HDAC9: variants seen among roughly 807,000 people sequenced by gnomAD.
The protein encoded by HDAC9 is MEF-2 interacting transcription repressor (MITR) protein.
Under a neutral mutation model 139.4 loss-of-function variants are expected in HDAC9, and 41 were observed. The ratio of observed to expected loss-of-function variants is 0.29; its 90% confidence interval spans 0.23 to 0.38. HDAC9 has a LOEUF of 0.38. HDAC9 is among the 10% of genes least tolerant of loss of function. HDAC9 has a pLI of 1.00. For missense variants in HDAC9, 1,147 were observed against 1,297.0 expected, an observed-to-expected ratio of 0.88 and a Z score of 1.78; for synonymous variants, 517 against 476.2, an observed-to-expected ratio of 1.09 and a Z score of -1.12.
chr7:18,894,331 A>G (rs779452949), intron 22 of HDAC9, among the ~76,000 whole-genome samples: 22 of 152,134 alleles, frequency 1.4e-4, no homozygotes, highest in Non-Finnish European at 2.8e-4. Flanking sequence ...TAACATTATG[A>G]CATTGGAGCC....
chr7:18,437,452 C>T (rs1245233513), intron 1 of HDAC9, among the ~76,000 whole-genome samples: 2 of 151,604 alleles, frequency 1.3e-5, no homozygotes, highest in African/African-American at 4.8e-5. Context: ...AATAATTGCT[C>T]CCATCAAAAT....
chr7:18,963,202 C>T (rs917584579), intron 24 of HDAC9, among the ~76,000 whole-genome samples: 30 of 152,022 alleles, frequency 2.0e-4, no homozygotes, highest in African/African-American at 7.0e-4. Context: ...CAGTAAGCAA[C>T]ACAAAAATGG....
At chr7:18,755,769 T>C (rs1788822666) in intron 14 of HDAC9, among the ~76,000 whole-genome samples, 1 of 152,154 alleles carries the variant, frequency 6.6e-6, no homozygotes, top group African/African-American at 2.4e-5. Context: ...AACTGGGATT[T>C]GCTGTTTTCT....
chr7:18,733,021 A>ATGTGTATATACACATGTGTATGTGTG (rs1786462847), intron 13 of HDAC9, among the ~76,000 whole-genome samples: 2 of 133,598 alleles, frequency 1.5e-5, no homozygotes, highest in Non-Finnish European at 3.1e-5. Context: ...GTATGTGTGT[A>ATGTGTATATACACATGTGTATGTGTG]TATATGTATA....
intron 1 of HDAC9, among the ~76,000 whole-genome samples, chr7:18,393,698 G>C (rs1335902060): frequency 6.6e-6 from 1 of 152,078 alleles, no homozygotes; most frequent in Non-Finnish European, 1.5e-5. Context: ...TACCCTGACA[G>C]AGCTGCTTTT....
chr7:18,881,629 A>G (rs1799745576), intron 22 of HDAC9, among the ~76,000 whole-genome samples: 1 of 152,094 alleles, frequency 6.6e-6, no homozygotes, highest in African/African-American at 2.4e-5. Context: ...ACATTATCAA[A>G]ATCTATAAAG....
intron 1 of HDAC9, among the ~76,000 whole-genome samples, chr7:18,489,448 G>A (rs550558501): frequency 6.6e-6 from 1 of 152,108 alleles, no homozygotes; most frequent in African/African-American, 2.4e-5. Flanking sequence ...GCCAGGTATT[G>A]TATAATTCTC....
chr7:18,907,814 G>A (rs956767211), intron 22 of HDAC9, among the ~76,000 whole-genome samples: 1 of 152,108 alleles, frequency 6.6e-6, no homozygotes, highest in Non-Finnish European at 1.5e-5. Flanking sequence ...AGAATGTCTG[G>A]TCATTTGTAG....
intron 12 of HDAC9, among the ~76,000 whole-genome samples, chr7:18,711,588 C>G (rs1388178820): frequency 6.6e-6 from 1 of 152,184 alleles, no homozygotes; most frequent in African/African-American, 2.4e-5. Context: ...CAGCTGTGGT[C>G]TGCCACACCC....
chr7:18,872,722 A>G (rs918323419), intron 21 of HDAC9, among the ~76,000 whole-genome samples: 1 of 152,156 alleles, frequency 6.6e-6, no homozygotes, highest in Non-Finnish European at 1.5e-5. Context: ...GTACTTCAAA[A>G]GTATGCACCT....
chr7:18,267,062 G>T (rs1415517264), intron 2 of HDAC9, among the ~76,000 whole-genome samples: 1 of 151,862 alleles, frequency 6.6e-6, no homozygotes, highest in Non-Finnish European at 1.5e-5. Flanking sequence ...AATTGTGAGG[G>T]GACCAGTCTA....
chr7:18,261,677 G>C (rs932404808), intron 2 of HDAC9, among the ~76,000 whole-genome samples: 2 of 152,150 alleles, frequency 1.3e-5, no homozygotes, highest in African/African-American at 2.4e-5. Flanking sequence ...GGATAGTTAG[G>C]GTTTCATGGA....
intron 6 of HDAC9, among the ~76,000 whole-genome samples, chr7:18,619,006 A>G (rs573991189): frequency 1.3e-4 from 20 of 152,076 alleles, no homozygotes; most frequent in South Asian, 6.2e-4. Flanking sequence ...TTTATAATCT[A>G]GTTCGATTTA....
intron 2 of HDAC9, among the ~76,000 whole-genome samples, chr7:18,187,451 A>G (rs1355322104): frequency 6.6e-6 from 1 of 152,214 alleles, no homozygotes; most frequent in Non-Finnish European, 1.5e-5. Flanking sequence ...TACTTCACTC[A>G]GTAGTCGTTT....
In HDAC9 at chr7:18,634,659, G is replaced by T. The variant is rs374343180; in HGVS notation, c.829G>T (p.Gly277Cys). 16 of 1,589,874 alleles carry T rather than the reference G, an allele frequency of 1.0e-5. No homozygotes were observed. Among genetic ancestry groups the T allele is most frequent in the Non-Finnish European group, 1.3e-5 (15 of 1,166,846 alleles). The part of the protein sequence containing the change: ...SSVSSSSPGS[G>C]PSSPNNGPTG... ...AGTCAGTAGCAGTTCTCCAGGCTCTGGTCCCAGTTCACCAAACAATGGGCC... is the reference window on the plus strand; with the variant it reads ...AGTCAGTAGCAGTTCTCCAGGCTCTTGTCCCAGTTCACCAAACAATGGGCC... The change falls in exon 8 of 26, where the codon GGT becomes TGT. Residue 277 changes from glycine (G) to cysteine (C), a missense_variant. Gly to Cys is a radical substitution (Grantham distance 159). Around this residue, in one of 7 missense-constraint regions of HDAC9, gnomAD observed 264 missense variants for 273.8 expected, o/e 0.96. Coordinates refer to ENST00000686413, the MANE Select transcript of HDAC9 (RefSeq NM_178425.4).
chr7:18,977,992 A>G (rs1028979883), intron 25 of HDAC9, among the ~76,000 whole-genome samples: 2 of 151,882 alleles, frequency 1.3e-5, no homozygotes, highest in African/African-American at 4.8e-5. Flanking sequence ...CTGAAAAGCC[A>G]CAGAGCATTT....
At chr7:18,670,979 C>G (rs1795641366) in intron 12 of HDAC9, among the ~76,000 whole-genome samples, 1 of 151,538 alleles carries the variant, frequency 6.6e-6, no homozygotes, top group Non-Finnish European at 1.5e-5. Flanking sequence ...TTTTTTCTGA[C>G]CATAGCCGGT....
intron 24 of HDAC9, among the ~76,000 whole-genome samples, chr7:18,971,096 C>G (rs1003968479): frequency 1.7e-4 from 26 of 152,340 alleles, no homozygotes; most frequent in African/African-American, 4.8e-4. Context: ...GAAACCCCAT[C>G]TATGGCCCTC....
intron 1 of HDAC9, among the ~76,000 whole-genome samples, chr7:18,291,096 T>C (rs925145223): frequency 3.9e-5 from 6 of 152,144 alleles, no homozygotes; most frequent in African/African-American, 1.4e-4. Flanking sequence ...ACTCCCTCCT[T>C]CAATCTAGTT....
Sources: allele counts gnomAD v4.1 joint callset (sites outside exome capture counted in the v4.1 genomes callset), GRCh38; gene constraint gnomAD v4.1.1; regional missense constraint gnomAD v4.1.1; transcripts MANE v1.5; gene names NCBI Gene and HGNC (gene_info 2026-07-23, HGNC 2026-07-21).